Variants in CNBD1 observed in about 807,000 individuals in gnomAD.
The protein encoded by CNBD1 is cyclic nucleotide-binding domain-containing protein 1.
Under a neutral mutation model 54.4 loss-of-function variants are expected in CNBD1, and 71 were observed. The ratio of observed to expected loss-of-function variants is 1.30; its 90% CI spans 1.08 to 1.59. CNBD1 has a LOEUF of 1.59. Among genes scored for constraint, CNBD1 ranks in the 40% most tolerant of loss-of-function variants. The pLI is 0.00. For missense variants in CNBD1, 659 were observed against 518.0 expected (o/e 1.27, Z -2.64); for synonymous variants, 182 against 170.7 (o/e 1.07, Z -0.51).
At chr8:87,364,888 A>T (rs1008435822) in intron 10 of CNBD1, among the ~76,000 whole-genome samples, 10 of 152,032 alleles carry the variant, frequency 6.6e-5, no homozygotes, top group Non-Finnish European at 1.3e-4. Flanking sequence ...TATCCAGTCT[A>T]TTGTAGATGG....
chr8:86,959,423 C>A (rs572072256), intron 4 of CNBD1, among the ~76,000 whole-genome samples: 1 of 152,282 alleles, frequency 6.6e-6, no homozygotes, highest in East Asian at 1.9e-4. Context: ...AAGTTCTCCT[C>A]AATAATATCC....
At chr8:87,224,367 T>C in intron 5 of CNBD1, among the ~76,000 whole-genome samples, 1 of 151,624 alleles carries the variant, frequency 6.6e-6, no homozygotes, top group Admixed American at 6.6e-5. Flanking sequence ...AGGGTTTTTA[T>C]GGTTTTAGGT....
intron 4 of CNBD1, among the ~76,000 whole-genome samples, chr8:87,077,412 C>CTT (rs374931620): frequency 0.03 from 3,925 of 129,510 alleles, 138 homozygotes; most frequent in African/African-American, 0.092. Flanking sequence ...TCTTCTTCTT[C>CTT]TTTTTTTTTT....
intron 3 of CNBD1, among the ~76,000 whole-genome samples, chr8:86,936,584 C>CA (rs1809552333): frequency 6.6e-6 from 1 of 151,676 alleles, no homozygotes; most frequent in South Asian, 2.1e-4. Context: ...ACTAAAAATG[C>CA]AAAAAACAAT....
intron 3 of CNBD1, among the ~76,000 whole-genome samples, chr8:86,922,882 C>A (rs1320514733): frequency 6.6e-6 from 1 of 151,854 alleles, no homozygotes. Flanking sequence ...AGGAAGGAAG[C>A]AAGAGGAGCC....
intron 6 of CNBD1, among the ~76,000 whole-genome samples, chr8:87,261,554 T>C (rs1169171587): frequency 7.2e-6 from 1 of 138,184 alleles, no homozygotes; most frequent in Non-Finnish European, 1.6e-5. Context: ...AAAAGAGAAA[T>C]GACATACATA....
intron 4 of CNBD1, among the ~76,000 whole-genome samples, chr8:86,986,944 A>T (rs921905875): frequency 1.3e-5 from 2 of 152,134 alleles, no homozygotes. Flanking sequence ...GGGTAGTAGG[A>T]TACCTCCAGC....
intron 8 of CNBD1, among the ~76,000 whole-genome samples, chr8:87,327,850 G>C (rs967242750): frequency 6.6e-6 from 1 of 152,064 alleles, no homozygotes; most frequent in African/African-American, 2.4e-5. Context: ...TTTTCTTCTA[G>C]GAGTTTTACA....
chr8:87,296,958 G>A (rs1362463748), intron 8 of CNBD1, among the ~76,000 whole-genome samples: 6 of 151,762 alleles, frequency 4.0e-5, no homozygotes, highest in Admixed American at 2.0e-4. Flanking sequence ...GGCGGATCAC[G>A]AAGTCGGGAA....
chr8:87,339,395 A>G (rs1186391088), intron 8 of CNBD1, among the ~76,000 whole-genome samples: 1 of 152,108 alleles, frequency 6.6e-6, no homozygotes, highest in East Asian at 1.9e-4. Context: ...TCCCATGGAA[A>G]TTTCAGCTTA....
chr8:87,039,858 T>A (rs1453066280), intron 4 of CNBD1, among the ~76,000 whole-genome samples: 5 of 152,132 alleles, frequency 3.3e-5, no homozygotes, highest in African/African-American at 1.2e-4. Context: ...GGGTTGGAGA[T>A]AACTCCCTAT....
intron 4 of CNBD1, among the ~76,000 whole-genome samples, chr8:87,090,761 G>A (rs1811188493): frequency 6.6e-6 from 1 of 152,038 alleles, no homozygotes; most frequent in Non-Finnish European, 1.5e-5. Context: ...ATAGTTAAAT[G>A]GAAACATTGT....
intron 8 of CNBD1, among the ~76,000 whole-genome samples, chr8:87,308,030 C>T (rs1430786314): frequency 6.6e-6 from 1 of 151,990 alleles, no homozygotes; most frequent in Non-Finnish European, 1.5e-5. Flanking sequence ...AGGAAGTTTC[C>T]CCATGTTATG....
intron 2 of CNBD1, among the ~76,000 whole-genome samples, chr8:87,392,441 A>G (rs555264630): frequency 9.9e-5 from 15 of 152,052 alleles, no homozygotes; most frequent in Non-Finnish European, 1.8e-4. Flanking sequence ...ATAAATTAAA[A>G]TGTCATAAGC....
intron 8 of CNBD1, among the ~76,000 whole-genome samples, chr8:87,337,866 A>G (rs1024614777): frequency 9.9e-5 from 15 of 152,256 alleles, no homozygotes; most frequent in African/African-American, 3.6e-4. Flanking sequence ...GCTGCTTTGT[A>G]TCTTTCCAAT....
intron 3 of CNBD1, among the ~76,000 whole-genome samples, chr8:86,929,700 T>A (rs1439603923): frequency 6.6e-6 from 1 of 152,184 alleles, no homozygotes; most frequent in African/African-American, 2.4e-5. Flanking sequence ...AAGCAGGCAG[T>A]TGTCTGATAG....
chr8:87,401,353 G>T (rs191621760), intron 2 of CNBD1, among the ~76,000 whole-genome samples: 2 of 152,094 alleles, frequency 1.3e-5, no homozygotes, highest in African/African-American at 4.8e-5. Context: ...GAAGGGGAAA[G>T]TGTCAATGCC....
chr8:87,174,232 A>G (rs535146343), intron 4 of CNBD1, among the ~76,000 whole-genome samples: 47 of 152,210 alleles, frequency 3.1e-4, no homozygotes, highest in African/African-American at 1.1e-3. Flanking sequence ...TGTCAGGATT[A>G]CAGACGTGAG....
chr8:86,872,680 G>C (rs908395268), intron 1 of CNBD1, among the ~76,000 whole-genome samples: 7 of 152,164 alleles, frequency 4.6e-5, no homozygotes, highest in African/African-American at 1.7e-4. Context: ...CTGATGATTA[G>C]AGATATTGAC....
Sources: allele counts gnomAD v4.1 joint callset (sites outside exome capture counted in the v4.1 genomes callset), GRCh38; gene constraint gnomAD v4.1.1; transcripts MANE v1.5; gene names NCBI Gene and HGNC (gene_info 2026-07-23, HGNC 2026-07-21).